The following GALNT18 variants were observed in gnomAD, a reference collection of about 807,000 sequenced individuals.
GALNT18 encodes the protein GalNAc-transferase 18.
A neutral mutation model predicts 69.5 loss-of-function variants in GALNT18; 44 were observed. The observed-to-expected ratio is 0.63, with a 90% confidence interval of 0.50 to 0.81. The LOEUF (loss-of-function observed/expected upper bound fraction) is 0.81. GALNT18 is among the 40% of genes least tolerant of loss of function. GALNT18 has a pLI of 0.00. For missense variants in GALNT18, 715 were observed against 810.0 expected, an observed-to-expected ratio of 0.88 and a Z score of 1.42; for synonymous variants, 364 against 318.2, an observed-to-expected ratio of 1.14 and a Z score of -1.53.
Position 11,469,474 on chromosome 11 carries a change from C to T in GALNT18, c.236-20538G>A, listed in dbSNP as rs937984908. ...GCAGGGCTCAACAGAAGCCCCTGTC[C>T]TCTAGAGAGCAATCCCTGGTCCCCT... On this transcript the variant is annotated intron_variant, in intron 1 of 10. Transcript: ENST00000227756. The surrounding 1 kb of genome is among the most constrained non-coding windows in gnomAD (Gnocchi z 4.2). Among the ~76,000 whole-genome samples, 3 of 152,202 alleles carry T rather than the reference C, an allele frequency of 2.0e-5. No individual in the cohort carries two copies. The highest frequency in any genetic ancestry group is 7.2e-5 in the African/African-American group (3 of 41,458).
intron 1 of GALNT18, among the ~76,000 whole-genome samples, chr11:11,560,047 G>T (rs1184076121): frequency 3.3e-5 from 4 of 122,052 alleles, no homozygotes; most frequent in East Asian, 2.7e-4. Context: ...GGATGGGATG[G>T]GATGGGATAG....
At chr11:11,323,129 G>A (rs543617607) in intron 9 of GALNT18, among the ~76,000 whole-genome samples, 1 of 152,180 alleles carries the variant, frequency 6.6e-6, no homozygotes, top group Non-Finnish European at 1.5e-5. Flanking sequence ...TTCCTCAAAT[G>A]CATGTTTTTA....
At chr11:11,333,300 A>C (rs1358922539) in intron 7 of GALNT18, among the ~76,000 whole-genome samples, 1 of 152,214 alleles carries the variant, frequency 6.6e-6, no homozygotes, top group Non-Finnish European at 1.5e-5. Flanking sequence ...GCTAAGGTTT[A>C]AACATTTCCA....
chr11:11,325,214 A>T (rs1332476416), intron 9 of GALNT18, among the ~76,000 whole-genome samples: 2 of 152,258 alleles, frequency 1.3e-5, no homozygotes, highest in Non-Finnish European at 2.9e-5. Context: ...AGTAACTTGG[A>T]TGAAGCTGGA....
chr11:11,424,053 C>T (rs1029041486), intron 3 of GALNT18, among the ~76,000 whole-genome samples: 5 of 152,196 alleles, frequency 3.3e-5, no homozygotes, highest in African/African-American at 4.8e-5. Context: ...TGGCAGCTAG[C>T]TGAGTGGTGC....
At chr11:11,553,666 G>A (rs4078513) in intron 1 of GALNT18, among the ~76,000 whole-genome samples, 38,295 of 151,976 alleles carry the variant, frequency 0.25, 6,093 homozygotes, top group Middle Eastern at 0.39. Context: ...GGAGAGGACT[G>A]AGAAGCACCA....
In GALNT18 at chr11:11,602,749, G is replaced by A. The variant is rs1428571842; in HGVS notation, c.235+18610C>T. Among the ~76,000 whole-genome samples, 2 of 152,120 alleles carry A rather than the reference G, an allele frequency of 1.3e-5. No homozygotes were observed. Among genetic ancestry groups the A allele is most frequent in the Admixed American group, 6.5e-5 (1 of 15,280 alleles). The stretch of plus-strand genomic sequence containing the variant: ...CATTCCAGTTCTTCCCTAACCCCCT[G>A]TGATTTGCACTGCAAAAAAAGAGAG... On this transcript the variant is annotated intron_variant, in intron 1 of 10. Coordinates refer to ENST00000227756, the MANE Select transcript of GALNT18 (RefSeq NM_198516.3). This position sits in a 1 kb window ranked among gnomAD's most constrained non-coding sequence, Gnocchi z 4.7.
chr11:11,348,241 G>C (rs1031942843), intron 6 of GALNT18, among the ~76,000 whole-genome samples: 41 of 152,062 alleles, frequency 2.7e-4, no homozygotes, highest in African/African-American at 9.4e-4. Flanking sequence ...AGCTGGGCAT[G>C]GTGGCGGGTG....
At position 11,591,406 on chromosome 11, in the gene GALNT18, T is replaced by C. The variant is rs11602762; in HGVS notation, c.235+29953A>G. Among the ~76,000 whole-genome samples, 40,487 of 152,076 alleles carry C rather than the reference T, an allele frequency of 0.27. 6,329 individuals carry two copies. The highest frequency in any genetic ancestry group is 0.65 in the East Asian group (3,338 of 5,172). The stretch of plus-strand genomic sequence containing the variant: ...ATCTAACACGGTCCTTGGCTCATGG[T>C]TGACTTTACTGGATGAGCCTCACTG... On this transcript the variant is annotated intron_variant, in intron 1 of 10. Transcript: ENST00000227756. The surrounding 1 kb of genome is among the most constrained non-coding windows in gnomAD (Gnocchi z 4.8).
rs1200993878 is a variant in GALNT18, at chr11:11,613,929, C to T, written c.235+7430G>A. On this transcript the variant is annotated intron_variant, in intron 1 of 10. Coordinates refer to ENST00000227756, the MANE Select transcript of GALNT18 (RefSeq NM_198516.3). This position sits in a 1 kb window ranked among gnomAD's most constrained non-coding sequence, Gnocchi z 4.2. ...GCCTTCTGGTTACATTTATCACTCACATTCAGCCGGGTTTTCCCTCCAGGA... is the reference window on the plus strand; with the variant it reads ...GCCTTCTGGTTACATTTATCACTCATATTCAGCCGGGTTTTCCCTCCAGGA... Among the ~76,000 whole-genome samples, 1 of 152,186 alleles carries T rather than the reference C, an allele frequency of 6.6e-6. No homozygotes were observed.
At chr11:11,535,920 G>A (rs150096992) in intron 1 of GALNT18, among the ~76,000 whole-genome samples, 1 of 152,280 alleles carries the variant, frequency 6.6e-6, no homozygotes, top group African/African-American at 2.4e-5. Flanking sequence ...ACTGCCTCTG[G>A]AGCCCCCAGA....
At position 11,413,541 on chromosome 11, in the gene GALNT18, T is replaced by C. The variant is rs751764692; in HGVS notation, c.595+19080A>G. On this transcript the variant is annotated intron_variant, in intron 3 of 10. Transcript: ENST00000227756. This position sits in a 1 kb window ranked among gnomAD's most constrained non-coding sequence, Gnocchi z 4.7. ...CAGGTTTATATAATTTGGTGCTTAATGCACCGTACCACTAGCCCAGAACAA... is the reference window on the plus strand; with the variant it reads ...CAGGTTTATATAATTTGGTGCTTAACGCACCGTACCACTAGCCCAGAACAA... Among the ~76,000 whole-genome samples the C allele has an allele frequency of 6.6e-6, 1 of 152,214 alleles. No homozygotes were observed. Among genetic ancestry groups the C allele is most frequent in the Admixed American group, 6.5e-5 (1 of 15,284 alleles).
chr11:11,588,783 C>T lies in GALNT18; in HGVS notation c.235+32576G>A, dbSNP rs139141399. Among the ~76,000 whole-genome samples the T allele has an allele frequency of 5.5e-3, 843 of 152,272 alleles. 10 individuals are homozygous for T. Among genetic ancestry groups the T allele is most frequent in the African/African-American group, 0.019 (801 of 41,542 alleles). ...AGAGTGACTTGTGATTTGTACTTTGCCACTCTACCTTTTGATGAGAACAGA... is the reference window on the plus strand; with the variant it reads ...AGAGTGACTTGTGATTTGTACTTTGTCACTCTACCTTTTGATGAGAACAGA... On this transcript the variant is annotated intron_variant, in intron 1 of 10. Transcript: ENST00000227756.
intron 1 of GALNT18, among the ~76,000 whole-genome samples, chr11:11,492,075 T>C (rs1348148079): frequency 6.6e-6 from 1 of 151,994 alleles, no homozygotes; most frequent in Non-Finnish European, 1.5e-5. Context: ...AATTAATGAG[T>C]AAATGAAAAC....
intron 1 of GALNT18, among the ~76,000 whole-genome samples, chr11:11,485,939 G>A (rs146133429): frequency 6.6e-6 from 1 of 152,172 alleles, no homozygotes; most frequent in East Asian, 1.9e-4. Flanking sequence ...GAGGCCTATT[G>A]TGATCCTGAA....
intron 9 of GALNT18, among the ~76,000 whole-genome samples, chr11:11,295,140 G>A (rs1849372895): frequency 6.6e-6 from 1 of 152,236 alleles, no homozygotes; most frequent in Admixed American, 6.5e-5. Flanking sequence ...GGGTGAGTAA[G>A]CGTGGTCCTT....
chr11:11,486,201 C>G (rs1250279923), intron 1 of GALNT18, among the ~76,000 whole-genome samples: 31 of 152,310 alleles, frequency 2.0e-4, no homozygotes, highest in Non-Finnish European at 7.4e-5. Flanking sequence ...GGCTTGGCAC[C>G]ATCCCAGGTC....
chr11:11,471,970 G>C (rs1162162638), intron 1 of GALNT18, among the ~76,000 whole-genome samples: 1 of 152,218 alleles, frequency 6.6e-6, no homozygotes, highest in African/African-American at 2.4e-5. Context: ...TGGGGACATG[G>C]CTGAGTCAAG....
intron 2 of GALNT18, among the ~76,000 whole-genome samples, chr11:11,445,428 G>A (rs1297022109): frequency 6.6e-6 from 1 of 152,214 alleles, no homozygotes; most frequent in Non-Finnish European, 1.5e-5. Flanking sequence ...GTTTGAAATA[G>A]GATGAGAGTA....
Sources: gnomAD v4.1 joint callset for allele counts (sites outside exome capture counted in the v4.1 genomes callset) on GRCh38, gnomAD v4.1.1 for gene constraint, Gnocchi (gnomAD v3.1) non-coding constraint, MANE v1.5 for transcripts, NCBI Gene and HGNC (gene_info 2026-07-23, HGNC 2026-07-21) for gene names.